CTNNA2: variants seen among roughly 807,000 people sequenced by gnomAD.
The protein encoded by CTNNA2 is catenin alpha 2, also known as catenin alpha-2.
A neutral mutation model predicts 101.0 loss-of-function variants in CTNNA2; 42 were observed. The observed-to-expected ratio is 0.42, with a 90% CI of 0.32 to 0.54. The LOEUF is 0.54. Among genes scored for constraint, CTNNA2 ranks in the 20% least tolerant of loss-of-function variants. CTNNA2 has a pLI of 0.14. For synonymous variants in CTNNA2, 450 were observed against 456.4 expected (o/e 0.99, Z 0.18); for missense variants, 871 against 1,223.1 (o/e 0.71, Z 4.29).
chr2:80,320,745 G>T (rs1407809647), intron 7 of CTNNA2, among the ~76,000 whole-genome samples: 1 of 152,116 alleles, frequency 6.6e-6, no homozygotes, highest in Non-Finnish European at 1.5e-5. Flanking sequence ...AATATTTTAT[G>T]TATATATTTT....
chr2:80,164,115 C>T (rs565045527), intron 7 of CTNNA2, among the ~76,000 whole-genome samples: 3 of 151,694 alleles, frequency 2.0e-5, no homozygotes, highest in South Asian at 2.1e-4. Flanking sequence ...CTAATATATA[C>T]GTTTTAATTG....
intron 1 of CTNNA2, among the ~76,000 whole-genome samples, chr2:79,528,074 T>C (rs184218172): frequency 1.1e-4 from 16 of 152,336 alleles, no homozygotes; most frequent in Non-Finnish European, 7.3e-5. Context: ...ATATCACATA[T>C]TGTTTGATTG....
chr2:80,605,276 A>G (rs1178811872), intron 16 of CTNNA2: 1 of 152,048 alleles, frequency 6.6e-6, no homozygotes, highest in African/African-American at 2.4e-5. Flanking sequence ...TGCTTTAGGT[A>G]GTAGACTTTT....
intron 7 of CTNNA2, among the ~76,000 whole-genome samples, chr2:80,143,248 C>T (rs1464826865): frequency 1.3e-5 from 2 of 152,178 alleles, no homozygotes; most frequent in Non-Finnish European, 1.5e-5. Flanking sequence ...AGCAAGTGAA[C>T]ATTCCTGAAG....
intron 6 of CTNNA2, among the ~76,000 whole-genome samples, chr2:79,905,620 T>C (rs1238652735): frequency 6.6e-6 from 1 of 152,042 alleles, no homozygotes; most frequent in Non-Finnish European, 1.5e-5. Context: ...ATGATGATGA[T>C]GATGATGGTG....
At chr2:79,579,388 T>G (rs1284164140) in intron 1 of CTNNA2, among the ~76,000 whole-genome samples, 2 of 152,152 alleles carry the variant, frequency 1.3e-5, no homozygotes, top group Non-Finnish European at 2.9e-5. Context: ...CAAGGTTTTA[T>G]GAAGGATTTA....
In CTNNA2 at chr2:79,794,950, T is replaced by C. The variant is rs78532669; in HGVS notation, c.298+50368T>C. Among the ~76,000 whole-genome samples the C allele has an allele frequency of 3.6e-3, 555 of 152,332 alleles. 4 individuals are homozygous for C. Among genetic ancestry groups the C allele is most frequent in the African/African-American group, 0.012 (514 of 41,570 alleles). ...AGGATAGGCACAACCTTAATATTTG[T>C]AGGGCCCAGGACAATAGTACAACTG... On this transcript the variant is annotated intron_variant, in intron 3 of 18. Transcript: ENST00000402739.
intron 3 of CTNNA2, among the ~76,000 whole-genome samples, chr2:79,849,054 TGAG>T (rs1680468148): frequency 1.3e-5 from 2 of 152,160 alleles, no homozygotes; most frequent in Admixed American, 1.3e-4. Flanking sequence ...GAATGATGCC[TGAG>T]GAGTTTTCAT....
Position 80,162,563 on chromosome 2 carries a change from G to A in CTNNA2, c.1057-230648G>A, listed in dbSNP as rs182309356. ...ATAGAAGAAATCATCTCTTTCCTCTGTAATGATGGTCAGACCCATGATCAG... is the reference window on the plus strand; with the variant it reads ...ATAGAAGAAATCATCTCTTTCCTCTATAATGATGGTCAGACCCATGATCAG... On this transcript the variant is annotated intron_variant, in intron 7 of 18. Coordinates refer to ENST00000402739, the MANE Select transcript of CTNNA2 (RefSeq NM_001282597.3). The A allele has an allele frequency of 1.2e-4, 196 of 1,609,098 alleles. No individual in the cohort carries two copies. In the African/African-American group the frequency reaches 2.5e-3, roughly 20 times the overall value.
rs753111123 is a variant in CTNNA2, at chr2:80,358,899, G to A, written c.1057-34312G>A. Among the ~76,000 whole-genome samples, 4 of 151,432 alleles carry A rather than the reference G, an allele frequency of 2.6e-5. No individual in the cohort carries two copies. In the South Asian group the frequency reaches 6.3e-4, roughly 24 times the overall value. ...ACCCATTAAAAAAAAACATGAAGAG[G>A]TTCTTTATAACATTTTCAAATATTA... is the stretch of plus-strand genomic sequence containing the variant. On this transcript the variant is annotated intron_variant, in intron 7 of 18. Transcript: ENST00000402739.
chr2:80,012,682 C>G (rs1213808092), intron 7 of CTNNA2, among the ~76,000 whole-genome samples: 1 of 152,098 alleles, frequency 6.6e-6, no homozygotes, highest in Non-Finnish European at 1.5e-5. Context: ...CTGGATTTGG[C>G]CCGTGGGTTT....
intron 1 of CTNNA2, among the ~76,000 whole-genome samples, chr2:79,542,394 T>G (rs1673480895): frequency 6.6e-6 from 1 of 152,210 alleles, no homozygotes; most frequent in African/African-American, 2.4e-5. Context: ...CAGCAAAAGT[T>G]ACTTTTCCTT....
intron 7 of CTNNA2, chr2:80,305,124 G>A (rs1306413380): frequency 2.0e-6 from 2 of 985,262 alleles, no homozygotes; most frequent in East Asian, 1.1e-4. Context: ...CTTTAGAAAA[G>A]CAACTTGAGA....
chr2:80,569,633 G>GTTTTTTGTTTTTTTTTTTTT (rs1553392642), intron 12 of CTNNA2, among the ~76,000 whole-genome samples: 3 of 51,718 alleles, frequency 5.8e-5, no homozygotes, highest in African/African-American at 1.8e-4. Context: ...GGGTATTTAG[G>GTTTTTTGTTTTTTTTTTTTT]TTTTTTTTTT....
At chr2:79,771,824 C>A (rs912183059) in intron 3 of CTNNA2, among the ~76,000 whole-genome samples, 1 of 152,142 alleles carries the variant, frequency 6.6e-6, no homozygotes, top group South Asian at 2.1e-4. Context: ...CTAGTTGATA[C>A]AAAATTATCT....
At chr2:79,379,313 A>G (rs1208823174) in intron 4 of CTNNA2, among the ~76,000 whole-genome samples, 1 of 152,224 alleles carries the variant, frequency 6.6e-6, no homozygotes, top group Non-Finnish European at 1.5e-5. Flanking sequence ...TGAATGTATA[A>G]TATTCCATTA....
chr2:80,575,126 T>A (rs1323258007), intron 13 of CTNNA2: 1 of 152,204 alleles, frequency 6.6e-6, no homozygotes, highest in East Asian at 1.9e-4. Flanking sequence ...ATTAGCCACA[T>A]AATAATCTTT....
chr2:79,222,949 C>A (rs555420861), intron 2 of CTNNA2, among the ~76,000 whole-genome samples: 1 of 151,722 alleles, frequency 6.6e-6, no homozygotes, highest in South Asian at 2.1e-4. Flanking sequence ...TGTTTGAGGC[C>A]AGCCTTGGAA....
At chr2:79,608,073 A>C (rs1234216994) in intron 1 of CTNNA2, among the ~76,000 whole-genome samples, 2 of 152,064 alleles carry the variant, frequency 1.3e-5, no homozygotes, top group Admixed American at 6.6e-5. Context: ...AGCAGGAGGC[A>C]TGAGAGTGGT....
Sources: allele counts gnomAD v4.1 joint callset (sites outside exome capture counted in the v4.1 genomes callset), GRCh38; gene constraint gnomAD v4.1.1; transcripts MANE v1.5; gene names NCBI Gene and HGNC (gene_info 2026-07-23, HGNC 2026-07-21).